The following THRB variants were observed in gnomAD, a reference collection of about 807,000 sequenced individuals.
THRB encodes thyroid hormone receptor beta.
THRB carries 12 observed loss-of-function variants against 47.8 expected under a neutral mutation model. The observed-to-expected ratio is 0.25, with a 90% CI of 0.16 to 0.41. The LOEUF (loss-of-function observed/expected upper bound fraction) is 0.41, where lower values mean the gene tolerates loss of function less well. Among genes scored for constraint, THRB ranks in the 10% least tolerant of loss-of-function variants. The pLI, the probability that THRB is intolerant of heterozygous loss-of-function variation, is 1.00. For synonymous variants in THRB, 218 were observed against 212.2 expected (o/e 1.03, Z -0.24); for missense variants, 348 against 589.2 (o/e 0.59, Z 4.24).
At position 24,189,867 on chromosome 3, in the gene THRB, G is replaced by A. The variant is rs542428373; in HGVS notation, c.283+207C>T. Reference sequence around the variant, plus strand: ...AAGTGTCCCAGCACAACGTGAAACCGAAACAAGCTGCCTTTCTTTGGATTC... The same window carrying A: ...AAGTGTCCCAGCACAACGTGAAACCAAAACAAGCTGCCTTTCTTTGGATTC... On this transcript the variant is annotated intron_variant, in intron 5 of 10. Coordinates refer to ENST00000646209, the MANE Select transcript of THRB (RefSeq NM_001354712.2). The A allele has an allele frequency of 2.1e-3, 1,237 of 575,670 alleles. 19 individuals are homozygous for A. The highest frequency in any genetic ancestry group is 3.8e-4 in the Non-Finnish European group (126 of 327,454). 35.7% of individuals were successfully genotyped at this position (575,670 alleles called of 1,614,324 possible).
intron 4 of THRB, among the ~76,000 whole-genome samples, chr3:24,197,529 C>T (rs2044097576): frequency 6.6e-6 from 1 of 152,206 alleles, no homozygotes; most frequent in Admixed American, 6.5e-5. Flanking sequence ...GCCCTTTTCC[C>T]TCTTATTGGA....
chr3:24,259,084 A>T (rs2051640425), intron 3 of THRB, among the ~76,000 whole-genome samples: 1 of 152,186 alleles, frequency 6.6e-6, no homozygotes, highest in South Asian at 2.1e-4. Context: ...CGCCTGCTCC[A>T]TGAGCATCCA....
At chr3:24,243,987 T>C (rs1351000678) in intron 3 of THRB, among the ~76,000 whole-genome samples, 1 of 151,982 alleles carries the variant, frequency 6.6e-6, no homozygotes, top group Non-Finnish European at 1.5e-5. Context: ...TAAATTCTAA[T>C]TATGAGGAGT....
intron 1 of THRB, among the ~76,000 whole-genome samples, chr3:24,341,373 G>C (rs1441483357): frequency 6.6e-6 from 1 of 151,536 alleles, no homozygotes; most frequent in Non-Finnish European, 1.5e-5. Flanking sequence ...TGGGATGACA[G>C]GCGTGTACCA....
intron 3 of THRB, among the ~76,000 whole-genome samples, chr3:24,279,466 G>A (rs954498227): frequency 6.6e-6 from 1 of 152,010 alleles, no homozygotes; most frequent in East Asian, 1.9e-4. Flanking sequence ...CTCACTGCAA[G>A]CTCCACCTCC....
intron 4 of THRB, among the ~76,000 whole-genome samples, chr3:24,203,777 C>T (rs912552933): frequency 5.3e-5 from 8 of 152,204 alleles, no homozygotes; most frequent in South Asian, 2.1e-4. Context: ...CTGTGACAGA[C>T]GGCACCTGGA....
At chr3:24,376,135 A>G (rs2065268437) in intron 1 of THRB, among the ~76,000 whole-genome samples, 1 of 152,202 alleles carries the variant, frequency 6.6e-6, no homozygotes, top group Admixed American at 6.6e-5. Context: ...GTATATTGAA[A>G]AAAAAGGTTT....
chr3:24,404,979 GA>G (rs1051795001), intron 1 of THRB, among the ~76,000 whole-genome samples: 1 of 151,914 alleles, frequency 6.6e-6, no homozygotes, highest in Non-Finnish European at 1.5e-5. Context: ...GATCATTAAA[GA>G]AAAAACAAGC....
intron 4 of THRB, among the ~76,000 whole-genome samples, chr3:24,228,632 CA>C (rs1213827281): frequency 3.4e-5 from 2 of 59,198 alleles, no homozygotes; most frequent in African/African-American, 1.4e-4. Flanking sequence ...GACCATGTCT[CA>C]AAGAAAAAAA....
At chr3:24,360,447 G>A (rs923507481) in intron 1 of THRB, among the ~76,000 whole-genome samples, 7 of 152,136 alleles carry the variant, frequency 4.6e-5, no homozygotes, top group South Asian at 2.1e-4. Flanking sequence ...ATACGCAGGC[G>A]ATGCATATTA....
At chr3:24,232,014 A>T (rs952464438) in intron 3 of THRB, among the ~76,000 whole-genome samples, 1 of 152,212 alleles carries the variant, frequency 6.6e-6, no homozygotes, top group Non-Finnish European at 1.5e-5. Flanking sequence ...GACACCTAGC[A>T]TCTGTGTGTC....
chr3:24,444,573 T>C (rs897763461), intron 1 of THRB, among the ~76,000 whole-genome samples: 1 of 152,216 alleles, frequency 6.6e-6, no homozygotes, highest in Non-Finnish European at 1.5e-5. Flanking sequence ...TAATTCATAA[T>C]TTGCACATAA....
chr3:24,457,321 C>G (rs1490934276), intron 1 of THRB, among the ~76,000 whole-genome samples: 1 of 152,068 alleles, frequency 6.6e-6, no homozygotes, highest in Non-Finnish European at 1.5e-5. Context: ...GGCATTTTGT[C>G]CATGAGACCC....
At chr3:24,394,646 G>A (rs1009908852) in intron 1 of THRB, among the ~76,000 whole-genome samples, 4 of 152,018 alleles carry the variant, frequency 2.6e-5, no homozygotes, top group African/African-American at 9.7e-5. Context: ...ACTCAAACAG[G>A]CAGGAGCAGA....
chr3:24,143,563 T>C lies in THRB; in HGVS notation c.676A>G (p.Thr226Ala), dbSNP rs1196061279. ...GCGTTGGTCGCCACATGGGCTTCGG[T>C]GACAGTTTTGATGAGCTCCCATTCC... ...DEEWELIKTVTEAHVATNAQG... is the reference protein window; with the variant it reads ...DEEWELIKTVAEAHVATNAQG... The change falls in exon 8 of 11, where the codon ACC (threonine) becomes GCC (alanine). Residue 226 changes from threonine to alanine, a missense_variant. Transcript: ENST00000646209. 1 of 1,614,024 alleles carries C rather than the reference T, an allele frequency of 6.2e-7. No homozygotes were observed. Among genetic ancestry groups the C allele is most frequent in the Non-Finnish European group, 8.5e-7 (1 of 1,180,016 alleles).
chr3:24,237,035 G>A (rs2048943231), intron 3 of THRB, among the ~76,000 whole-genome samples: 1 of 152,146 alleles, frequency 6.6e-6, no homozygotes, highest in African/African-American at 2.4e-5. Context: ...AAATCAGTAA[G>A]AGAAAAAATA....
chr3:24,277,264 G>C (rs1468285712), intron 3 of THRB, among the ~76,000 whole-genome samples: 1 of 152,106 alleles, frequency 6.6e-6, no homozygotes, highest in African/African-American at 2.4e-5. Context: ...CGGGTGCCAC[G>C]GGCATCTAGT....
chr3:24,417,131 C>CGT (rs1560136796), intron 1 of THRB, among the ~76,000 whole-genome samples: 6 of 144,380 alleles, frequency 4.2e-5, no homozygotes, highest in South Asian at 4.5e-4. Context: ...CACACACACA[C>CGT]ACACACACGC....
At chr3:24,435,562 T>C (rs545046685) in intron 1 of THRB, among the ~76,000 whole-genome samples, 37 of 152,254 alleles carry the variant, frequency 2.4e-4, no homozygotes, top group African/African-American at 8.4e-4. Context: ...CTTGATGAGA[T>C]ACCTCTCACG....
Sources: gnomAD v4.1 joint callset for allele counts (sites outside exome capture counted in the v4.1 genomes callset) on GRCh38, gnomAD v4.1.1 for gene constraint, MANE v1.5 for transcripts, NCBI Gene and HGNC (gene_info 2026-07-23, HGNC 2026-07-21) for gene names.